ART1: variants seen among roughly 807,000 people sequenced by gnomAD.
The protein encoded by ART1 is ADP-ribosyltransferase 1.
In ART1, 29 loss-of-function variants were observed where a neutral mutation model predicts 27.0. That is an observed-to-expected ratio of 1.08 (90% CI 0.80 to 1.47). The LOEUF (loss-of-function observed/expected upper bound fraction) is 1.47. ART1 is among the 40% of genes most tolerant of loss of function. The pLI is 0.00. For missense variants in ART1, 480 were observed against 423.0 expected (o/e 1.13, Z -1.18); for synonymous variants, 201 against 172.2 (o/e 1.17, Z -1.31).
Position 3,664,379 on chromosome 11 carries a change from C to A in ART1, c.*190C>A. 1 of 582,490 alleles carries A rather than the reference C, an allele frequency of 1.7e-6. No homozygotes were observed. The highest frequency in any genetic ancestry group is 3.0e-6 in the Non-Finnish European group (1 of 328,826). 36.1% of individuals were successfully genotyped at this position (582,490 alleles called of 1,614,324 possible). ...TCTGGGGACTGAACCTTACCCAGGG[C>A]TGTAGGAGTGAGACTCTGAATAAAG... On this transcript the variant is annotated 3_prime_UTR_variant, in exon 5 of 5. Coordinates refer to ENST00000250693, the MANE Select transcript of ART1 (RefSeq NM_004314.3).
intron 1 of ART1, among the ~76,000 whole-genome samples, chr11:3,653,115 G>A (rs1206763011): frequency 2.0e-5 from 3 of 148,330 alleles, no homozygotes; most frequent in Non-Finnish European, 4.4e-5. Context: ...AATCAAAGCA[G>A]CCCTGAGAAA....
intron 1 of ART1, among the ~76,000 whole-genome samples, chr11:3,657,573 TCAAA>T (rs754817595): frequency 3.2e-4 from 49 of 152,236 alleles, no homozygotes; most frequent in South Asian, 1.2e-3. Context: ...AGACCCTGCC[TCAAA>T]CAAACAAACA....
Position 3,660,319 on chromosome 11 carries a change from G to A in ART1, c.800G>A (p.Arg267Gln), listed in dbSNP as rs752333152. 22 of 1,606,608 alleles carry A rather than the reference G, an allele frequency of 1.4e-5. No individual in the cohort carries two copies. The highest frequency in any genetic ancestry group is 8.8e-5 in the South Asian group (8 of 91,078). Residue 267 changes from arginine to glutamine, a missense_variant, in exon 3 of 5, where the codon CGA becomes CAA. Arg to Gln is a conservative substitution (Grantham distance 43, BLOSUM62 1). Transcript: ENST00000250693. ...LAQGPARIYL[R>Q]ALGKHSTYNC... Reference sequence around the variant, plus strand: ...CAGGGCCCCGCCCGCATCTACCTCCGAGCCCTGGGCAAGCACAGCACCTAC... The same window carrying A: ...CAGGGCCCCGCCCGCATCTACCTCCAAGCCCTGGGCAAGCACAGCACCTAC...
At chr11:3,658,334 G>GAAAAA (rs565452996) in intron 1 of ART1, among the ~76,000 whole-genome samples, 6 of 128,458 alleles carry the variant, frequency 4.7e-5, no homozygotes, top group African/African-American at 1.7e-4. Flanking sequence ...CTTGGTCTCG[G>GAAAAA]AAAAAAAAAA....
At position 3,659,654 on chromosome 11, in the gene ART1, C is replaced by A. The variant is rs763163415; in HGVS notation, c.135C>A (p.Ser45=). Residue 45 remains serine (S), a synonymous_variant, in exon 3 of 5, where the codon TCC becomes TCA. Transcript: ENST00000250693. The part of the protein sequence containing the change: ...QEIQLDMALA[S]FDDQYAGCAA... ...TTCAGCTGGACATGGCCCTGGCCTC[C>A]TTTGATGACCAGTACGCTGGCTGTG... is the stretch of plus-strand genomic sequence containing the variant. The A allele has an allele frequency of 5.6e-6, 9 of 1,613,742 alleles. No homozygotes were observed. Among genetic ancestry groups the A allele is most frequent in the Non-Finnish European group, 7.6e-6 (9 of 1,180,038 alleles).
chr11:3,652,655 C>G (rs2077533928), intron 1 of ART1, among the ~76,000 whole-genome samples: 1 of 152,000 alleles, frequency 6.6e-6, no homozygotes, highest in Non-Finnish European at 1.5e-5. Context: ...GACTGTGCCC[C>G]AAAAGAACTT....
intron 4 of ART1, among the ~76,000 whole-genome samples, chr11:3,662,700 C>T (rs2077628884): frequency 1.3e-5 from 2 of 152,130 alleles, no homozygotes; most frequent in Non-Finnish European, 2.9e-5. Flanking sequence ...CAAAATTAGC[C>T]GGGCGTGGTG....
Position 3,659,549 on chromosome 11 carries a change from A to G in ART1, c.64-34A>G, listed in dbSNP as rs376115062. Reference sequence around the variant, plus strand: ...AGGGGACTCATTCTCCCAGGGGCCTATCCTCTCAGTCCCTGCTACTCCTGT... The same window carrying G: ...AGGGGACTCATTCTCCCAGGGGCCTGTCCTCTCAGTCCCTGCTACTCCTGT... On this transcript the variant is annotated intron_variant, in intron 2 of 4. Transcript: ENST00000250693. 22 of 1,552,068 alleles carry G rather than the reference A, an allele frequency of 1.4e-5. No homozygotes were observed. In the African/African-American group the frequency reaches 2.4e-4, roughly 17 times the overall value.
At chr11:3,649,772 A>T (rs1251835868) in intron 1 of ART1, among the ~76,000 whole-genome samples, 3 of 152,176 alleles carry the variant, frequency 2.0e-5, no homozygotes, top group Admixed American at 2.0e-4. Flanking sequence ...GTCAAGGTTA[A>T]TGCTCCTTTT....
intron 1 of ART1, among the ~76,000 whole-genome samples, chr11:3,652,058 G>A (rs1033777595): frequency 2.6e-4 from 39 of 151,628 alleles, no homozygotes; most frequent in African/African-American, 8.8e-4. Flanking sequence ...ACTTCTCAGT[G>A]TTCCATCTGC....
intron 1 of ART1, 88 bp downstream of exon 1, chr11:3,645,267 G>A (rs1267823826): frequency 6.6e-6 from 1 of 152,082 alleles, no homozygotes; most frequent in Non-Finnish European, 1.5e-5. Flanking sequence ...GGAATTTTAG[G>A]AGTCATGAGA....
At chr11:3,647,688 T>C (rs2077480503) in intron 1 of ART1, among the ~76,000 whole-genome samples, 1 of 151,990 alleles carries the variant, frequency 6.6e-6, no homozygotes, top group Non-Finnish European at 1.5e-5. Flanking sequence ...AACAAAGGGA[T>C]ACACAGAAAC....
chr11:3,661,239 G>A (rs1443500804), intron 3 of ART1, 133 bp from the exon 4 acceptor site: 2 of 761,924 alleles, frequency 2.6e-6, no homozygotes, highest in Non-Finnish European at 4.1e-6. Context: ...GTTCCACCAT[G>A]AAAGAGCAGA....
At chr11:3,654,833 G>C (rs533994463) in intron 1 of ART1, among the ~76,000 whole-genome samples, 1 of 152,056 alleles carries the variant, frequency 6.6e-6, no homozygotes, top group Non-Finnish European at 1.5e-5. Context: ...TCTTACTCAG[G>C]TCCACTAATT....
chr11:3,660,369 A>G lies in ART1; in HGVS notation c.844+6A>G. 1 of 1,595,518 alleles carries G rather than the reference A, an allele frequency of 6.3e-7. No individual in the cohort carries two copies. The highest frequency in any genetic ancestry group is 8.5e-7 in the Non-Finnish European group (1 of 1,175,900). ...CAACTGCGAGTACATCAAAGGTAGGAGGGCAAGCGCTGGTCGGCACCTGTG... is the reference window on the plus strand; with the variant it reads ...CAACTGCGAGTACATCAAAGGTAGGGGGGCAAGCGCTGGTCGGCACCTGTG... On this transcript the variant is annotated splice_donor_region_variant and intron_variant, in intron 3 of 4. Coordinates refer to ENST00000250693, the MANE Select transcript of ART1 (RefSeq NM_004314.3).
chr11:3,658,557 T>C (rs949523770), intron 1 of ART1, among the ~76,000 whole-genome samples: 26 of 151,736 alleles, frequency 1.7e-4, no homozygotes, highest in African/African-American at 6.3e-4. Flanking sequence ...GCACCCGGGG[T>C]TTATATCTGT....
intron 1 of ART1, among the ~76,000 whole-genome samples, chr11:3,650,856 C>G (rs1165522190): frequency 7.6e-6 from 1 of 132,382 alleles, no homozygotes. Flanking sequence ...TCTACTTCCT[C>G]CTTCGCGACC....
chr11:3,663,978 C>G (rs771262420), intron 4 of ART1, 114 bp from the exon 5 acceptor site: 4 of 933,788 alleles, frequency 4.3e-6, no homozygotes, highest in Non-Finnish European at 6.5e-6. Context: ...GTCCAGCTCA[C>G]TCTGCCAATC....
At chr11:3,655,114 G>T (rs893924542) in intron 1 of ART1, among the ~76,000 whole-genome samples, 1 of 152,162 alleles carries the variant, frequency 6.6e-6, no homozygotes, top group East Asian at 1.9e-4. Context: ...TCAGGCCGCC[G>T]GTCTGGCTCA....
Sources: allele counts gnomAD v4.1 joint callset (sites outside exome capture counted in the v4.1 genomes callset), GRCh38; gene constraint gnomAD v4.1.1; transcripts MANE v1.5; gene names NCBI Gene and HGNC (gene_info 2026-07-23, HGNC 2026-07-21).